Variants in PSMD12 observed in about 807,000 individuals in gnomAD.
PSMD12 encodes 26S proteasome non-ATPase regulatory subunit 12.
PSMD12 carries 8 observed loss-of-function variants against 62.9 expected under a neutral mutation model. The observed-to-expected ratio is 0.13, with a 90% CI of 0.07 to 0.23. PSMD12 has a LOEUF of 0.23. PSMD12 is among the 10% of genes least tolerant of loss of function. PSMD12 has a pLI of 1.00. For synonymous variants in PSMD12, 173 were observed against 187.4 expected (o/e 0.92, Z 0.63); for missense variants, 424 against 550.2 (o/e 0.77, Z 2.29).
chr17:67,363,032 A>C (rs912624487), intron 1 of PSMD12: 1 of 152,252 alleles, frequency 6.6e-6, no homozygotes, highest in Non-Finnish European at 1.5e-5. Flanking sequence ...GGTGACAACT[A>C]CAAGTGATTT....
chr17:67,349,096 C>T (rs896121624), intron 4 of PSMD12, among the ~76,000 whole-genome samples: 1 of 152,146 alleles, frequency 6.6e-6, no homozygotes, highest in Non-Finnish European at 1.5e-5. Flanking sequence ...CTCGGCTCAC[C>T]ACAACCTCTA....
At chr17:67,342,415 A>G (rs2041923608) in intron 9 of PSMD12, 152 bp from the exon 10 acceptor site, 7 of 532,996 alleles carry the variant, frequency 1.3e-5, no homozygotes, top group Non-Finnish European at 2.3e-5. Flanking sequence ...AGCTAGTTCT[A>G]AGTTTCAATA....
chr17:67,349,787 C>A (rs1567955511), intron 4 of PSMD12, among the ~76,000 whole-genome samples: 1 of 152,088 alleles, frequency 6.6e-6, no homozygotes, highest in Non-Finnish European at 1.5e-5. Flanking sequence ...TAACCTAAAG[C>A]ACCTAGTGAA....
intron 4 of PSMD12, 26 bp from the exon 5 acceptor site, chr17:67,348,680 A>C: frequency 6.3e-7 from 1 of 1,585,980 alleles, no homozygotes; most frequent in Non-Finnish European, 8.6e-7. Context: ...TTACACAATC[A>C]AAATTCCATG....
At chr17:67,354,877 C>A (rs1004625154) in intron 3 of PSMD12, among the ~76,000 whole-genome samples, 2 of 152,024 alleles carry the variant, frequency 1.3e-5, no homozygotes, top group Non-Finnish European at 2.9e-5. Flanking sequence ...GTAATCTCAG[C>A]TACTTGGGAG....
chr17:67,357,073 G>C (rs2042082027), intron 3 of PSMD12: 1 of 403,234 alleles, frequency 2.5e-6, no homozygotes. Flanking sequence ...AAAGCTGTAT[G>C]AACACTCTAA....
chr17:67,340,905 A>T lies in PSMD12; in HGVS notation c.1309T>A (p.Ser437Thr). The T allele has an allele frequency of 6.3e-7, 1 of 1,596,340 alleles. No homozygotes were observed. The highest frequency in any genetic ancestry group is 8.5e-7 in the Non-Finnish European group (1 of 1,174,736). Residue 437 changes from serine (S) to threonine (T), a missense_variant, in exon 11 of 11, where the codon TCT becomes ACT. Transcript: ENST00000356126. ...AGATGCGTAGTTTTGTTAACCAGAG[A>T]CATTAATGAGTTCAGTTTCTGAGAC... ...DWSQKLNSLM[S>T]LVNKTTHLIA...
rs532494773 is a variant in PSMD12, at chr17:67,345,947, C to T, written c.796-90G>A. ...AACAATCATGGAATAACTATATATC[C>T]ATTTCAAATTTTAAAGTCTTGGCCG... On this transcript the variant is annotated intron_variant, in intron 7 of 10. Transcript: ENST00000356126. 1.0e-5 allele frequency: 13 copies of T among 1,241,868 alleles called. No individual in the cohort carries two copies. In the South Asian group the frequency reaches 1.6e-4, roughly 15 times the overall value. 76.9% of individuals were successfully genotyped at this position (1,241,868 alleles called of 1,614,324 possible).
chr17:67,345,952 C>T (rs910537366), intron 7 of PSMD12, 95 bp from the exon 8 acceptor site: 174 of 1,169,944 alleles, frequency 1.5e-4, no homozygotes, highest in Non-Finnish European at 2.0e-4. Flanking sequence ...ATATCCATTT[C>T]AAATTTTAAA....
rs1270094859 is a variant in PSMD12 at position 67,357,506 on chromosome 17, G to A, written c.168+13C>T. ...ATTAATGGTAACTGAGCTTTCCCCT[G>A]TAAACTACTCACAGTACGAGTCTGC... On this transcript the variant is annotated intron_variant, in intron 2 of 10. Transcript: ENST00000356126. 6.2e-6 allele frequency: 10 copies of A among 1,613,260 alleles called. No homozygotes were observed. The highest frequency in any genetic ancestry group is 7.6e-6 in the Non-Finnish European group (9 of 1,179,388).
At position 67,366,534 on chromosome 17, in the gene PSMD12, C is replaced by G. The variant is rs773195102; in HGVS notation, c.-15G>C. 11 of 1,593,316 alleles carry G rather than the reference C, an allele frequency of 6.9e-6. No individual in the cohort carries two copies. In the South Asian group the frequency reaches 1.1e-4, roughly 16 times the overall value. On this transcript the variant is annotated 5_prime_UTR_variant, in exon 1 of 11. Coordinates refer to ENST00000356126, the MANE Select transcript of PSMD12 (RefSeq NM_002816.5). ...CCGTCCGCCATGGTCCCCGCCTGAG[C>G]GTCCCTTGCTGTCCCCCTGCTTCGG... is the stretch of plus-strand genomic sequence containing the variant.
chr17:67,356,382 C>T (rs1464338421), intron 3 of PSMD12, among the ~76,000 whole-genome samples: 1 of 150,132 alleles, frequency 6.7e-6, no homozygotes, highest in Non-Finnish European at 1.5e-5. Flanking sequence ...CACGGTGAAA[C>T]CCCGTCTCTA....
rs1567954351 is a variant in PSMD12 at position 67,347,377 on chromosome 17, T to G, written c.619A>C (p.Lys207Gln). 6.2e-7 allele frequency: 1 copy of G among 1,614,028 alleles called. No homozygotes were observed. Among genetic ancestry groups the G allele is most frequent in the Non-Finnish European group, 8.5e-7 (1 of 1,179,962 alleles). ...KDYIRTQIIS[K>Q]KINTKFFQEE... ...TGGAAAAATTTGGTGTTAATTTTCT[T>G]GCTGATGATTTGTGTTCGAATGTAA... Residue 207 changes from lysine (K) to glutamine (Q), a missense_variant, in exon 6 of 11, where the codon AAG (lysine) becomes CAG (glutamine). Physicochemically the swap from Lys to Gln is moderately conservative, Grantham distance 53. Transcript: ENST00000356126.
At chr17:67,344,225 T>A (rs2041942276) in intron 9 of PSMD12, among the ~76,000 whole-genome samples, 1 of 152,218 alleles carries the variant, frequency 6.6e-6, no homozygotes, top group African/African-American at 2.4e-5. Flanking sequence ...GCCCCCATTC[T>A]TCGGAAATTC....
chr17:67,364,885 C>T (rs1047685353), intron 1 of PSMD12, among the ~76,000 whole-genome samples: 4 of 152,158 alleles, frequency 2.6e-5, no homozygotes, highest in African/African-American at 7.2e-5. Context: ...GGCAGGTGCT[C>T]GAAAGTTCAG....
At chr17:67,355,850 G>T (rs905347973) in intron 3 of PSMD12, among the ~76,000 whole-genome samples, 1 of 151,918 alleles carries the variant, frequency 6.6e-6, no homozygotes, top group African/African-American at 2.4e-5. Context: ...GTTGGAAGCC[G>T]GGTGCAGTGG....
chr17:67,344,869 A>G (rs927475605), intron 8 of PSMD12, 89 bp from the exon 9 acceptor site: 10 of 1,117,646 alleles, frequency 8.9e-6, no homozygotes, highest in Non-Finnish European at 1.1e-5. Context: ...TTCAGCAAAG[A>G]CTGTTTTCGT....
chr17:67,340,973 T>G lies in PSMD12; in HGVS notation c.1241A>C (p.Asn414Thr). The G allele has an allele frequency of 6.3e-7, 1 of 1,578,720 alleles. No homozygotes were observed. The highest frequency in any genetic ancestry group is 1.2e-5 in the South Asian group (1 of 84,226). ...ATTTGGATCCTTGGGTCTCTGGAAG[T>G]TGATAATTCCTGCTAATCTGTCTAC... The part of the protein sequence containing the change: ...AKVDRLAGII[N>T]FQRPKDPNNL... Residue 414 changes from asparagine to threonine, a missense_variant, in exon 11 of 11, where the codon AAC (asparagine) becomes ACC (threonine). Coordinates refer to ENST00000356126, the MANE Select transcript of PSMD12 (RefSeq NM_002816.5).
rs1459100976 is a variant in PSMD12 at position 67,339,464 on chromosome 17, T to C, written c.*1379A>G. On this transcript the variant is annotated 3_prime_UTR_variant, in exon 11 of 11. Transcript: ENST00000356126. ...TGATGTTATTAGTGTGACCAATGCA[T>C]TGAATTTCCAAAGAATAAAATCAGA... 2 of 152,176 alleles carry C rather than the reference T, an allele frequency of 1.3e-5. No homozygotes were observed. Among genetic ancestry groups the C allele is most frequent in the East Asian group, 1.9e-4 (1 of 5,194 alleles). 9.4% of individuals were successfully genotyped at this position (152,176 alleles called of 1,614,324 possible).
Sources: gnomAD v4.1 joint callset for allele counts (sites outside exome capture counted in the v4.1 genomes callset) on GRCh38, gnomAD v4.1.1 for gene constraint, MANE v1.5 for transcripts, NCBI Gene and HGNC (gene_info 2026-07-23, HGNC 2026-07-21) for gene names.